The following ZNF653 variants were observed in gnomAD, a reference collection of about 807,000 sequenced individuals.
The protein encoded by ZNF653 is zinc finger protein 653, also known as 67 kDa zinc finger protein.
Under a neutral mutation model 59.9 loss-of-function variants are expected in ZNF653, and 37 were observed. That is an observed-to-expected ratio of 0.62 (90% confidence interval 0.48 to 0.81). The LOEUF (loss-of-function observed/expected upper bound fraction) is 0.81. Among genes scored for constraint, ZNF653 ranks in the 40% least tolerant of loss-of-function variants. The pLI is 0.00. For missense variants in ZNF653, 808 were observed against 881.1 expected (o/e 0.92, Z 1.05); for synonymous variants, 435 against 371.8 (o/e 1.17, Z -1.96).
chr19:11,502,160 C>G (rs963550194), intron 1 of ZNF653, among the ~76,000 whole-genome samples: 3 of 150,216 alleles, frequency 2.0e-5, no homozygotes, highest in Non-Finnish European at 4.4e-5. Context: ...GGCGCGATCT[C>G]GGCTCACTGC....
chr19:11,493,880 G>A (rs1380922178), intron 3 of ZNF653, among the ~76,000 whole-genome samples: 1 of 151,920 alleles, frequency 6.6e-6, no homozygotes, highest in Non-Finnish European at 1.5e-5. Flanking sequence ...TCAGCTGGCT[G>A]TGGTGGTGTG....
Position 11,487,333 on chromosome 19 carries a change from G to A in ZNF653, c.1130C>T (p.Thr377Ile). Reference protein sequence around the residue: ...QTEPEGSQPSTMDATAVAGIE... With the variant: ...QTEPEGSQPSIMDATAVAGIE... Reference sequence around the variant, plus strand: ...GCCTGCTACTGCGGTGGCGTCCATGGTGCTAGGCTGGCTACCCTCGGGCTC... The same window carrying A: ...GCCTGCTACTGCGGTGGCGTCCATGATGCTAGGCTGGCTACCCTCGGGCTC... The change falls in exon 4 of 9, where the codon ACC becomes ATC. Residue 377 changes from threonine to isoleucine, a missense_variant. By Grantham distance (89) the Thr-to-Ile change is moderately conservative. Coordinates refer to ENST00000293771, the MANE Select transcript of ZNF653 (RefSeq NM_138783.4). The surrounding 1 kb of genome is among the most constrained non-coding windows in gnomAD (Gnocchi z 5.1). 1 of 1,613,746 alleles carries A rather than the reference G, an allele frequency of 6.2e-7. No homozygotes were observed. Among genetic ancestry groups the A allele is most frequent in the South Asian group, 1.1e-5 (1 of 91,078 alleles).
chr19:11,486,692 A>G lies in ZNF653; in HGVS notation c.1455+77T>C, dbSNP rs370655144. 19 of 1,233,630 alleles carry G rather than the reference A, an allele frequency of 1.5e-5. No individual in the cohort carries two copies. The South Asian group carries it at 1.7e-4, about 11-fold the overall frequency. The allele number at this position is 1,233,630 out of a possible 1,614,324, so 76.4% of individuals were successfully genotyped here. On this transcript the variant is annotated intron_variant, in intron 6 of 8. Transcript: ENST00000293771. ...CTCGTCAAATTTCAAGGGGCAAACT[A>G]GAGGTAGGACATCCTGGTGGTGCCA...
chr19:11,486,744 A>G, intron 6 of ZNF653, 25 bp downstream of exon 6: 2 of 1,576,590 alleles, frequency 1.3e-6, no homozygotes, highest in Non-Finnish European at 1.7e-6. Flanking sequence ...GGCCTGGCCC[A>G]GGCTGCTCCG....
chr19:11,496,222 A>C, intron 2 of ZNF653, 57 bp from the exon 3 acceptor site: 4 of 1,553,970 alleles, frequency 2.6e-6, no homozygotes, highest in Non-Finnish European at 3.5e-6. Context: ...CCATGGTGAC[A>C]TGGCTGCCTG....
chr19:11,486,741 C>A (rs137915572), intron 6 of ZNF653, 28 bp downstream of exon 6: 1 of 1,569,740 alleles, frequency 6.4e-7, no homozygotes, highest in Non-Finnish European at 8.7e-7. Context: ...GTGGGCCTGG[C>A]CCAGGCTGCT....
At chr19:11,486,300 G>A (rs1279048777) in intron 6 of ZNF653, among the ~76,000 whole-genome samples, 1 of 152,162 alleles carries the variant, frequency 6.6e-6, no homozygotes, top group African/African-American at 2.4e-5. Flanking sequence ...CCAGGCTCTG[G>A]ACTGGGGTAT....
At chr19:11,503,821 G>C (rs576825862) in intron 1 of ZNF653, among the ~76,000 whole-genome samples, 61 of 151,542 alleles carry the variant, frequency 4.0e-4, no homozygotes, top group African/African-American at 1.1e-3. Flanking sequence ...CAAACAAACA[G>C]GGCTGGGCAC....
chr19:11,490,156 A>T (rs1191457071), intron 3 of ZNF653, among the ~76,000 whole-genome samples: 2 of 152,128 alleles, frequency 1.3e-5, no homozygotes, highest in African/African-American at 4.8e-5. Context: ...AGGTTTGATA[A>T]TTTGTTAGAA....
chr19:11,493,218 C>T (rs1971547444), intron 3 of ZNF653, among the ~76,000 whole-genome samples: 1 of 151,578 alleles, frequency 6.6e-6, no homozygotes, highest in Admixed American at 6.6e-5. Context: ...CCACCATGCC[C>T]AGCTCATTTT....
At chr19:11,489,792 C>A (rs1971511109) in intron 3 of ZNF653, among the ~76,000 whole-genome samples, 1 of 152,196 alleles carries the variant, frequency 6.6e-6, no homozygotes, top group Admixed American at 6.5e-5. Context: ...CCTCTCTTAG[C>A]CCCCAGACCC....
intron 3 of ZNF653, among the ~76,000 whole-genome samples, chr19:11,490,512 G>C (rs908851067): frequency 6.6e-6 from 1 of 151,758 alleles, no homozygotes; most frequent in African/African-American, 2.4e-5. Context: ...TCAGCCTCCT[G>C]AGTAGCTGGG....
chr19:11,502,807 G>T (rs1194822626), intron 1 of ZNF653, among the ~76,000 whole-genome samples: 1 of 152,208 alleles, frequency 6.6e-6, no homozygotes, highest in Non-Finnish European at 1.5e-5. Flanking sequence ...GCCGAGGCAG[G>T]CAGACCTCTT....
chr19:11,504,465 C>A, intron 1 of ZNF653: 5 of 938,218 alleles, frequency 5.3e-6, no homozygotes, highest in Non-Finnish European at 6.4e-6. Context: ...CAAGCCATCC[C>A]CTCTGCCCAC....
chr19:11,505,470 G>A lies in ZNF653; in HGVS notation c.299+18C>T, dbSNP rs776553626. ...GGGGCGTCTCCTCCCTCCCTCCCTCGGGGCCAGGCCCCCTCACCCGTGGCG... is the reference window on the plus strand; with the variant it reads ...GGGGCGTCTCCTCCCTCCCTCCCTCAGGGCCAGGCCCCCTCACCCGTGGCG... On this transcript the variant is annotated intron_variant, in intron 1 of 8. Coordinates refer to ENST00000293771, the MANE Select transcript of ZNF653 (RefSeq NM_138783.4). 2.1e-6 allele frequency: 3 copies of A among 1,444,836 alleles called. No homozygotes were observed. Among genetic ancestry groups the A allele is most frequent in the Admixed American group, 3.0e-5 (1 of 33,354 alleles). 89.5% of individuals were successfully genotyped at this position (1,444,836 alleles called of 1,614,324 possible).
intron 1 of ZNF653, 40 bp from the exon 2 acceptor site, chr19:11,498,379 G>T (rs1386669111): frequency 6.2e-7 from 1 of 1,613,724 alleles, no homozygotes; most frequent in Non-Finnish European, 8.5e-7. Flanking sequence ...CGGGGGACCA[G>T]CGCTGGGCCT....
intron 3 of ZNF653, among the ~76,000 whole-genome samples, chr19:11,490,567 A>G (rs1375734931): frequency 2.0e-5 from 3 of 149,800 alleles, no homozygotes; most frequent in African/African-American, 7.4e-5. Context: ...TTTTTTTTGT[A>G]TTTTTAGTAG....
chr19:11,505,711 C>T lies in ZNF653; in HGVS notation c.76G>A (p.Glu26Lys), dbSNP rs1411636940. Reference sequence around the variant, plus strand: ...CGCGCCTTTCGGCCCGCTGCGCCCTCCTCGGCTGCTGCCTCCCCGCCCGCG... The same window carrying T: ...CGCGCCTTTCGGCCCGCTGCGCCCTTCTCGGCTGCTGCCTCCCCGCCCGCG... ...AGAGGEAAAE[E>K]GAAGRKARGR... The change falls in exon 1 of 9, where the codon GAG becomes AAG. Residue 26 changes from glutamate to lysine, a missense_variant. Transcript: ENST00000293771. The T allele has an allele frequency of 2.0e-6, 3 of 1,481,908 alleles. No individual in the cohort carries two copies. The highest frequency in any genetic ancestry group is 2.7e-6 in the Non-Finnish European group (3 of 1,125,430). The allele number at this position is 1,481,908 out of a possible 1,614,324, so 91.8% of individuals were successfully genotyped here. A position where few individuals can be genotyped will look rare whatever the true frequency, so the allele number is the denominator to read the frequency against.
At position 11,487,422 on chromosome 19, in the gene ZNF653, G is replaced by A. The variant is rs1251506320; in HGVS notation, c.1041C>T (p.Gly347=). 1 of 1,612,210 alleles carries A rather than the reference G, an allele frequency of 6.2e-7. No homozygotes were observed. Residue 347 remains glycine (G), a synonymous_variant, in exon 4 of 9, where the codon GGC becomes GGT. Coordinates refer to ENST00000293771, the MANE Select transcript of ZNF653 (RefSeq NM_138783.4). This position sits in a 1 kb window ranked among gnomAD's most constrained non-coding sequence, Gnocchi z 5.1. ...AGGGCACCTCCTCGCCCAGTCCACTGCCGGGGACACCGCTGCCTGCTGCCA... is the reference window on the plus strand; with the variant it reads ...AGGGCACCTCCTCGCCCAGTCCACTACCGGGGACACCGCTGCCTGCTGCCA... The part of the protein sequence containing the change: ...LNMAAGSGVP[G]SGLGEEVPCA...
Sources: allele counts gnomAD v4.1 joint callset (sites outside exome capture counted in the v4.1 genomes callset), GRCh38; gene constraint gnomAD v4.1.1; non-coding constraint Gnocchi (gnomAD v3.1); transcripts MANE v1.5; gene names NCBI Gene and HGNC (gene_info 2026-07-23, HGNC 2026-07-21).